Variants in RFX1 observed in about 807,000 individuals in gnomAD.
RFX1 encodes the protein MHC class II regulatory factor RFX1.
A neutral mutation model predicts 119.6 loss-of-function variants in RFX1; 42 were observed. The observed-to-expected ratio is 0.35, with a 90% CI of 0.27 to 0.45. The LOEUF (loss-of-function observed/expected upper bound fraction) is 0.45. Among genes scored for constraint, RFX1 ranks in the 20% least tolerant of loss-of-function variants. RFX1 has a pLI of 1.00. For missense variants in RFX1, 1,118 were observed against 1,368.1 expected, an observed-to-expected ratio of 0.82 and a Z score of 2.88; for synonymous variants, 628 against 618.5, an observed-to-expected ratio of 1.02 and a Z score of -0.23.
intron 2 of RFX1, 46 bp downstream of exon 2, chr19:13,993,479 A>T: frequency 6.4e-7 from 1 of 1,565,628 alleles, no homozygotes; most frequent in Middle Eastern, 2.0e-4. Context: ...AGGCTATCTG[A>T]ACAACTCTGA....
At chr19:14,001,699 C>T (rs1450051463) in intron 1 of RFX1, among the ~76,000 whole-genome samples, 1 of 152,224 alleles carries the variant, frequency 6.6e-6, no homozygotes, top group Non-Finnish European at 1.5e-5. Flanking sequence ...TGTCTCAGCT[C>T]CTAGAAAACT....
chr19:13,982,640 CTAA>C (rs1337772155), intron 4 of RFX1, among the ~76,000 whole-genome samples: 4 of 152,168 alleles, frequency 2.6e-5, no homozygotes, highest in African/African-American at 9.7e-5. Flanking sequence ...CTTGTTTCTA[CTAA>C]TAATACAAAA....
At chr19:14,002,077 G>A (rs981124381) in intron 1 of RFX1, among the ~76,000 whole-genome samples, 9 of 151,772 alleles carry the variant, frequency 5.9e-5, no homozygotes, top group Non-Finnish European at 1.0e-4. Flanking sequence ...TGGAGGTTGC[G>A]GTGAGCCAAG....
intron 8 of RFX1, among the ~76,000 whole-genome samples, chr19:13,975,897 G>A (rs1408270417): frequency 6.6e-6 from 1 of 152,236 alleles, no homozygotes; most frequent in East Asian, 1.9e-4. Context: ...GCTGACAGCA[G>A]GAGTGGCCCC....
At chr19:13,971,979 C>G (rs1974096277) in intron 9 of RFX1, among the ~76,000 whole-genome samples, 1 of 152,078 alleles carries the variant, frequency 6.6e-6, no homozygotes, top group Non-Finnish European at 1.5e-5. Flanking sequence ...GCACTTCAGC[C>G]TGGCGACAGA....
At chr19:13,973,150 GGA>G (rs755211089) in intron 8 of RFX1, 23 bp from the exon 9 acceptor site, 1 of 1,540,134 alleles carries the variant, frequency 6.5e-7, no homozygotes, top group South Asian at 1.1e-5. Context: ...CAAAGCCAAG[GGA>G]GAGTCAGGGG....
intron 1 of RFX1, among the ~76,000 whole-genome samples, chr19:13,994,904 A>G (rs1404057035): frequency 1.4e-5 from 1 of 73,676 alleles, no homozygotes; most frequent in East Asian, 4.1e-4. Flanking sequence ...ATATATATAT[A>G]TATATATATA....
chr19:13,978,129 G>C, intron 7 of RFX1, 43 bp from the exon 8 acceptor site: 1 of 1,452,250 alleles, frequency 6.9e-7, no homozygotes, highest in South Asian at 1.2e-5. Flanking sequence ...GGGTGGGCCA[G>C]CTCCTACGGT....
In RFX1 at chr19:13,970,350, A is replaced by G. The variant is rs1347267271; in HGVS notation, c.1315-175T>C. Among the ~76,000 whole-genome samples, 3 of 151,890 alleles carry G rather than the reference A, an allele frequency of 2.0e-5. No individual in the cohort carries two copies. The East Asian group carries it at 5.8e-4, about 29-fold the overall frequency. ...GAACTATGTCCCACAGAACTCTAGAACTGCACTGTCCAATACAGTTGCCAT... is the reference window on the plus strand; with the variant it reads ...GAACTATGTCCCACAGAACTCTAGAGCTGCACTGTCCAATACAGTTGCCAT... On this transcript the variant is annotated intron_variant, in intron 9 of 20. Coordinates refer to ENST00000254325, the MANE Select transcript of RFX1 (RefSeq NM_002918.5).
intron 2 of RFX1, among the ~76,000 whole-genome samples, 172 bp from the exon 3 acceptor site, chr19:13,983,767 C>T (rs143333916): frequency 0.012 from 1,775 of 152,350 alleles, 46 homozygotes; most frequent in African/African-American, 0.041. Flanking sequence ...CAGGGGCCCA[C>T]GTGGCAGAGC....
At chr19:13,976,461 G>A (rs1386288496) in intron 8 of RFX1, among the ~76,000 whole-genome samples, 2 of 152,206 alleles carry the variant, frequency 1.3e-5, no homozygotes, top group Admixed American at 6.5e-5. Context: ...GACTGAAGCG[G>A]GGCCAGGACG....
chr19:13,978,693 C>G (rs945529043), intron 7 of RFX1, among the ~76,000 whole-genome samples: 13 of 152,052 alleles, frequency 8.5e-5, no homozygotes, highest in Admixed American at 4.6e-4. Flanking sequence ...GCGGCCCAGA[C>G]TGGGCGCCCC....
intron 4 of RFX1, among the ~76,000 whole-genome samples, chr19:13,982,852 G>A (rs575565243): frequency 6.6e-6 from 1 of 152,350 alleles, no homozygotes; most frequent in Admixed American, 6.5e-5. Context: ...CCTTCTGGGG[G>A]ACAGACCACC....
chr19:13,996,442 A>G (rs189712203), intron 1 of RFX1, among the ~76,000 whole-genome samples: 1 of 152,360 alleles, frequency 6.6e-6, no homozygotes, highest in East Asian at 1.9e-4. Flanking sequence ...CTCCAGCCGC[A>G]GGGTGACCCT....
At chr19:13,994,454 G>A (rs773580410) in intron 1 of RFX1, among the ~76,000 whole-genome samples, 57 of 152,086 alleles carry the variant, frequency 3.7e-4, no homozygotes, top group Non-Finnish European at 6.9e-4. Flanking sequence ...AGTGGCTCAT[G>A]CCTGCAATTC....
At chr19:13,989,173 A>T (rs1257578703) in intron 2 of RFX1, among the ~76,000 whole-genome samples, 1 of 151,932 alleles carries the variant, frequency 6.6e-6, no homozygotes. Flanking sequence ...GGCAGAGGGT[A>T]CCGAGAGTGC....
Position 13,972,886 on chromosome 19 carries a change from C to A in RFX1, c.1171G>T (p.Gly391Cys). The change falls in exon 9 of 21, where the codon GGC becomes TGC. Residue 391 changes from glycine (G) to cysteine (C), a missense_variant. Gly to Cys is a radical substitution (Grantham distance 159). Transcript: ENST00000254325. Reference protein sequence around the residue: ...GGGGSGGGGGGGGGGGGGGSG... With the variant: ...GGGGSGGGGGCGGGGGGGGSG... ...CCACCCCCGCCACCGCCTCCCCCGC[C>A]GCCGCCGCCACCACCACTGCCACCA... The A allele has an allele frequency of 6.4e-7, 1 of 1,568,300 alleles. No individual in the cohort carries two copies. Among genetic ancestry groups the A allele is most frequent in the African/African-American group, 1.4e-5 (1 of 73,924 alleles).
intron 1 of RFX1, among the ~76,000 whole-genome samples, chr19:13,994,937 T>A (rs1024137543): frequency 3.1e-4 from 35 of 111,482 alleles, no homozygotes; most frequent in South Asian, 1.2e-3. Flanking sequence ...TATATATATA[T>A]AATCATTTTT....
chr19:13,964,464 TG>T (rs1418317175), intron 16 of RFX1, among the ~76,000 whole-genome samples: 1 of 151,920 alleles, frequency 6.6e-6, no homozygotes, highest in East Asian at 1.9e-4. Context: ...AACACTGCTT[TG>T]ATAAACACGT....
Sources: allele counts gnomAD v4.1 joint callset (sites outside exome capture counted in the v4.1 genomes callset), GRCh38; gene constraint gnomAD v4.1.1; transcripts MANE v1.5; gene names NCBI Gene and HGNC (gene_info 2026-07-23, HGNC 2026-07-21).